FBXW2: variants seen among roughly 807,000 people sequenced by gnomAD.
The protein encoded by FBXW2 is F-box/WD repeat-containing protein 2.
In FBXW2, 12 loss-of-function variants were observed where a neutral mutation model predicts 46.0. The observed-to-expected ratio is 0.26, with a 90% CI of 0.17 to 0.42. FBXW2 has a LOEUF of 0.42. Ranked by LOEUF, FBXW2 falls within the 10% of genes least tolerant of loss-of-function variation. FBXW2 has a pLI of 1.00. For synonymous variants in FBXW2, 203 were observed against 209.6 expected, an observed-to-expected ratio of 0.97 and a Z score of 0.27; for missense variants, 360 against 537.0, an observed-to-expected ratio of 0.67 and a Z score of 3.26.
intron 7 of FBXW2, among the ~76,000 whole-genome samples, chr9:120,766,045 A>T (rs576076218): frequency 6.6e-6 from 1 of 152,286 alleles, no homozygotes; most frequent in African/African-American, 2.4e-5. Context: ...CTACCAGACA[A>T]GCAGTAGACA....
intron 3 of FBXW2, among the ~76,000 whole-genome samples, chr9:120,778,814 A>AGC (rs1192144194): frequency 1.3e-5 from 2 of 152,210 alleles, no homozygotes; most frequent in African/African-American, 4.8e-5. Context: ...TTAGACTAAA[A>AGC]GCATCCCTTG....
chr9:120,788,329 G>T (rs1227642881), intron 2 of FBXW2, 51 bp from the exon 3 acceptor site: 5 of 1,503,602 alleles, frequency 3.3e-6, no homozygotes, highest in African/African-American at 1.4e-5. Flanking sequence ...GACTGTTCAA[G>T]CAAGACTGCT....
intron 4 of FBXW2, 41 bp downstream of exon 4, chr9:120,778,310 T>A (rs2044542341): frequency 2.0e-6 from 3 of 1,530,014 alleles, no homozygotes; most frequent in Non-Finnish European, 2.6e-6. Context: ...CTTAAAAGGA[T>A]GAGGCTAAGT....
rs1237288573 is a variant in FBXW2, at chr9:120,786,149, A to C, written c.490+1620T>G. 2.0e-5 allele frequency among the ~76,000 whole-genome samples: 3 copies of C among 152,194 alleles called. No homozygotes were observed. In the East Asian group the frequency reaches 5.8e-4, roughly 29 times the overall value. ...AGGTAATACAAAGACACTAATAAAAACAGAAACAATCTGAATATGCATTGA... is the reference window on the plus strand; with the variant it reads ...AGGTAATACAAAGACACTAATAAAACCAGAAACAATCTGAATATGCATTGA... On this transcript the variant is annotated intron_variant, in intron 3 of 7. Coordinates refer to ENST00000608872, the MANE Select transcript of FBXW2 (RefSeq NM_012164.4).
rs776132413 is a variant in FBXW2, at chr9:120,788,165, G to T, written c.94C>A (p.Leu32Met). The change falls in exon 3 of 8, where the codon CTG (leucine) becomes ATG (methionine). Residue 32 changes from leucine (L) to methionine (M), a missense_variant. Leu to Met is a conservative substitution (Grantham distance 15, BLOSUM62 2). Coordinates refer to ENST00000608872, the MANE Select transcript of FBXW2 (RefSeq NM_012164.4). Reference protein sequence around the residue: ...DLQKNETLDHLISLSGAVQLR... With the variant: ...DLQKNETLDHMISLSGAVQLR... ...TGGACTGCCCCACTCAGACTAATCA[G>T]GTGATCCAGAGTTTCATTTTTCTGC... 6.2e-7 allele frequency: 1 copy of T among 1,614,134 alleles called. No individual in the cohort carries two copies. Among genetic ancestry groups the T allele is most frequent in the Non-Finnish European group, 8.5e-7 (1 of 1,180,036 alleles).
In FBXW2 at chr9:120,793,382, G is replaced by A. The variant is rs1302489062; in HGVS notation, c.-158C>T. ...GACCTGCGGCCGCTGCTCCCGGTCC[G>A]CAGCCTCACAGGGGAGCGGCTTCCG... is the stretch of plus-strand genomic sequence containing the variant. On this transcript the variant is annotated 5_prime_UTR_variant, in exon 1 of 8. Coordinates refer to ENST00000608872, the MANE Select transcript of FBXW2 (RefSeq NM_012164.4). 2.5e-6 allele frequency: 1 copy of A among 401,392 alleles called. No homozygotes were observed. The highest frequency in any genetic ancestry group is 4.4e-6 in the Non-Finnish European group (1 of 227,926). The allele number at this position is 401,392 out of a possible 1,614,324, so 24.9% of individuals were successfully genotyped here.
At chr9:120,780,988 T>G (rs1394954595) in intron 3 of FBXW2, among the ~76,000 whole-genome samples, 2 of 152,124 alleles carry the variant, frequency 1.3e-5, no homozygotes, top group East Asian at 3.8e-4. Flanking sequence ...CTCTTTTGTT[T>G]TTAAGCTGGG....
intron 7 of FBXW2, among the ~76,000 whole-genome samples, chr9:120,770,161 G>A (rs1403854161): frequency 6.6e-6 from 1 of 152,172 alleles, no homozygotes; most frequent in Non-Finnish European, 1.5e-5. Context: ...TGGATCACGA[G>A]GTCAGGAGAT....
intron 2 of FBXW2, among the ~76,000 whole-genome samples, chr9:120,790,129 T>G (rs2044804816): frequency 1.3e-5 from 2 of 152,232 alleles, no homozygotes; most frequent in African/African-American, 4.8e-5. Context: ...GCAATTATCT[T>G]CTGTGGGCAT....
At chr9:120,766,614 G>A (rs995160463) in intron 7 of FBXW2, among the ~76,000 whole-genome samples, 11 of 151,986 alleles carry the variant, frequency 7.2e-5, no homozygotes, top group East Asian at 1.9e-4. Flanking sequence ...ACAGATGCCC[G>A]CCACCACGCC....
At chr9:120,767,225 T>C (rs1030208569) in intron 7 of FBXW2, among the ~76,000 whole-genome samples, 2 of 152,208 alleles carry the variant, frequency 1.3e-5, no homozygotes, top group African/African-American at 4.8e-5. Flanking sequence ...TCTATGATAC[T>C]AAGAATATCA....
chr9:120,773,170 G>C (rs1336110551), intron 5 of FBXW2, among the ~76,000 whole-genome samples: 3 of 148,776 alleles, frequency 2.0e-5, no homozygotes, highest in Non-Finnish European at 4.4e-5. Flanking sequence ...CTGGGCAACA[G>C]AGCAAGACCA....
chr9:120,776,372 T>C, intron 4 of FBXW2, 146 bp from the exon 5 acceptor site: 1 of 857,626 alleles, frequency 1.2e-6, no homozygotes. Context: ...AGCAATTTTC[T>C]GATAAAACTA....
In FBXW2 at chr9:120,757,903, TG is replaced by T. The variant is rs1327541037; in HGVS notation, c.*6655del. 6.6e-6 allele frequency: 1 copy of T among 152,250 alleles called. No individual in the cohort carries two copies. The highest frequency in any genetic ancestry group is 2.4e-5 in the African/African-American group (1 of 41,454). 9.4% of individuals were successfully genotyped at this position (152,250 alleles called of 1,614,324 possible). On this transcript the variant is annotated 3_prime_UTR_variant, in exon 8 of 8. Transcript: ENST00000608872. ...TAAGAGAGGAAAAGCTGTGTGGAAT[TG>T]ATCTTTCATTTGCTTCTGATCTTTT...
At position 120,763,557 on chromosome 9, in the gene FBXW2, T is replaced by C. The variant is rs2044226463; in HGVS notation, c.*1002A>G. 1 of 152,256 alleles carries C rather than the reference T, an allele frequency of 6.6e-6. No individual in the cohort carries two copies. The highest frequency in any genetic ancestry group is 1.9e-4 in the East Asian group (1 of 5,206). The allele number at this position is 152,256 out of a possible 1,614,324, so 9.4% of individuals were successfully genotyped here. A position where few individuals can be genotyped will look rare whatever the true frequency, so the allele number is the denominator to read the frequency against. On this transcript the variant is annotated 3_prime_UTR_variant, in exon 8 of 8. Transcript: ENST00000608872. ...CTATATTTTCTACATTTCCCTTTTA[T>C]TCATCCTTTTCATATAATTGATGTT...
At chr9:120,786,047 C>T (rs969690066) in intron 3 of FBXW2, among the ~76,000 whole-genome samples, 1 of 143,572 alleles carries the variant, frequency 7.0e-6, no homozygotes, top group Non-Finnish European at 1.5e-5. Flanking sequence ...AAAAAAAGAG[C>T]TATAAAATAA....
chr9:120,792,808 G>A lies in FBXW2; in HGVS notation c.-21+341C>T, dbSNP rs1425105747. 3.3e-6 allele frequency: 4 copies of A among 1,219,454 alleles called. No homozygotes were observed. The Admixed American group carries it at 6.7e-5, about 20-fold the overall frequency. The allele number at this position is 1,219,454 out of a possible 1,614,324, so 75.5% of individuals were successfully genotyped here. A position where few individuals can be genotyped will look rare whatever the true frequency, so the allele number is the denominator to read the frequency against. ...GTACTCGGCACGCTGTAAGCCTACA[G>A]TAAATGTCAGTTACCATTATTACTT... is the stretch of plus-strand genomic sequence containing the variant. On this transcript the variant is annotated intron_variant, in intron 2 of 7. Coordinates refer to ENST00000608872, the MANE Select transcript of FBXW2 (RefSeq NM_012164.4).
At chr9:120,773,941 A>G (rs1001062248) in intron 5 of FBXW2, among the ~76,000 whole-genome samples, 4 of 152,204 alleles carry the variant, frequency 2.6e-5, no homozygotes, top group Non-Finnish European at 1.5e-5. Flanking sequence ...CTATAATCCC[A>G]GCACTTTGAG....
In FBXW2 at chr9:120,787,914, G is replaced by A. The variant is rs749315648; in HGVS notation, c.345C>T (p.Asp115=). Reference sequence around the variant, plus strand: ...AATAAACCTTCTTCCAGTGCAAAGCGTCCTGAACAGAATCATCTATCTGCC... The same window carrying A: ...AATAAACCTTCTTCCAGTGCAAAGCATCCTGAACAGAATCATCTATCTGCC... ...LGWQIDDSVQ[D]ALHWKKVYLK... The change falls in exon 3 of 8, where the codon GAC becomes GAT. Residue 115 remains aspartate, a synonymous_variant. Coordinates refer to ENST00000608872, the MANE Select transcript of FBXW2 (RefSeq NM_012164.4). 5.0e-6 allele frequency: 8 copies of A among 1,613,972 alleles called. No individual in the cohort carries two copies. Among genetic ancestry groups the A allele is most frequent in the South Asian group, 2.2e-5 (2 of 91,084 alleles).
Sources: allele counts gnomAD v4.1 joint callset (sites outside exome capture counted in the v4.1 genomes callset), GRCh38; gene constraint gnomAD v4.1.1; transcripts MANE v1.5; gene names NCBI Gene and HGNC (gene_info 2026-07-23, HGNC 2026-07-21).